Variants in MSRB3 observed in about 807,000 individuals in gnomAD.
The protein encoded by MSRB3 is methionine-R-sulfoxide reductase B3.
In MSRB3, 13 loss-of-function variants were observed where a neutral mutation model predicts 21.0. The observed-to-expected ratio is 0.62, with a 90% CI of 0.40 to 0.98. The LOEUF is 0.98. Among genes scored for constraint, MSRB3 ranks in the 50% least tolerant of loss-of-function variants. The pLI is 0.00. For synonymous variants in MSRB3, 87 were observed against 88.6 expected (o/e 0.98, Z 0.10); for missense variants, 199 against 230.3 (o/e 0.86, Z 0.88).
intron 1 of MSRB3, among the ~76,000 whole-genome samples, chr12:65,289,789 G>A (rs1872575487): frequency 6.6e-6 from 1 of 151,996 alleles, no homozygotes; most frequent in South Asian, 2.1e-4. Context: ...AGAACATGTG[G>A]CATCTGGTTT....
At chr12:65,279,181 G>A in intron 1 of MSRB3, 1 of 804,860 alleles carries the variant, frequency 1.2e-6, no homozygotes, top group Non-Finnish European at 1.7e-6. Flanking sequence ...CTCGCCCCGC[G>A]CGGGCCCAGG....
intron 4 of MSRB3, among the ~76,000 whole-genome samples, chr12:65,361,472 C>T (rs1194769641): frequency 2.2e-4 from 34 of 152,138 alleles, no homozygotes. Flanking sequence ...GATGCCTACA[C>T]AGAGCCTGCT....
chr12:65,441,290 G>T (rs1171420616), intron 5 of MSRB3, among the ~76,000 whole-genome samples: 1 of 151,950 alleles, frequency 6.6e-6, no homozygotes, highest in Non-Finnish European at 1.5e-5. Flanking sequence ...TCTCTGAGGT[G>T]CTCCTAGAGC....
At chr12:65,309,964 G>A (rs1236809461) in intron 2 of MSRB3, among the ~76,000 whole-genome samples, 1 of 152,034 alleles carries the variant, frequency 6.6e-6, no homozygotes, top group Non-Finnish European at 1.5e-5. Context: ...GAGATGAACA[G>A]GAATCACATG....
chr12:65,351,790 A>G (rs1409236886), intron 4 of MSRB3, among the ~76,000 whole-genome samples: 1 of 151,784 alleles, frequency 6.6e-6, no homozygotes, highest in African/African-American at 2.4e-5. Flanking sequence ...GAATAGACCA[A>G]TAATAGGAGC....
At chr12:65,442,344 A>C (rs1050102168) in intron 5 of MSRB3, among the ~76,000 whole-genome samples, 2 of 152,084 alleles carry the variant, frequency 1.3e-5, no homozygotes, top group Non-Finnish European at 2.9e-5. Context: ...ATAAGTACCC[A>C]ACCAAAAAAT....
intron 1 of MSRB3, among the ~76,000 whole-genome samples, chr12:65,287,985 G>A (rs1872471429): frequency 6.7e-6 from 1 of 149,442 alleles, no homozygotes; most frequent in South Asian, 2.3e-4. Flanking sequence ...TGAATGAATT[G>A]GACTGGGTAA....
At chr12:65,334,644 G>T (rs1875643979) in intron 4 of MSRB3, among the ~76,000 whole-genome samples, 1 of 152,118 alleles carries the variant, frequency 6.6e-6, no homozygotes, top group African/African-American at 2.4e-5. Context: ...TAGCCCAAAA[G>T]TAATGAGATC....
intron 4 of MSRB3, among the ~76,000 whole-genome samples, chr12:65,364,146 G>T (rs757092183): frequency 1.3e-5 from 2 of 152,110 alleles, no homozygotes; most frequent in Admixed American, 6.6e-5. Flanking sequence ...CCAGCCAGTG[G>T]CAAGAAACAG....
intron 2 of MSRB3, among the ~76,000 whole-genome samples, chr12:65,319,148 G>A (rs1236559651): frequency 6.6e-6 from 1 of 152,078 alleles, no homozygotes; most frequent in Non-Finnish European, 1.5e-5. Flanking sequence ...GTAAGAAAAT[G>A]TTTGCACATT....
At chr12:65,393,625 C>T (rs1419226714) in intron 5 of MSRB3, among the ~76,000 whole-genome samples, 7 of 92,096 alleles carry the variant, frequency 7.6e-5, no homozygotes, top group African/African-American at 2.9e-4. Flanking sequence ...AGCGAGACTC[C>T]GTCGCAAAAA....
intron 5 of MSRB3, among the ~76,000 whole-genome samples, chr12:65,373,724 C>T (rs1353433285): frequency 1.1e-4 from 16 of 152,074 alleles, no homozygotes; most frequent in Non-Finnish European, 4.4e-5. Context: ...GAGGAGGGAG[C>T]TCACTATTAA....
intron 5 of MSRB3, among the ~76,000 whole-genome samples, chr12:65,392,165 C>G (rs748057240): frequency 5.1e-4 from 77 of 152,186 alleles, no homozygotes; most frequent in Non-Finnish European, 9.3e-4. Flanking sequence ...CATCCTAGAT[C>G]AATTAACTCA....
chr12:65,340,129 A>G (rs773203617), intron 4 of MSRB3, among the ~76,000 whole-genome samples: 12 of 152,214 alleles, frequency 7.9e-5, no homozygotes, highest in Non-Finnish European at 5.9e-5. Flanking sequence ...AAAATAGATG[A>G]CAAGATGGAG....
intron 4 of MSRB3, among the ~76,000 whole-genome samples, chr12:65,352,080 A>T (rs949204288): frequency 5.3e-5 from 8 of 151,838 alleles, no homozygotes; most frequent in East Asian, 3.9e-4. Flanking sequence ...TACTGGCAAA[A>T]CGAATCCAGC....
intron 4 of MSRB3, among the ~76,000 whole-genome samples, chr12:65,352,008 C>A (rs1877037395): frequency 6.6e-6 from 1 of 151,602 alleles, no homozygotes; most frequent in East Asian, 1.9e-4. Flanking sequence ...GAGACACAAC[C>A]AAAAAAGAGA....
intron 4 of MSRB3, among the ~76,000 whole-genome samples, chr12:65,357,337 C>G (rs775107495): frequency 4.6e-5 from 7 of 151,870 alleles, no homozygotes; most frequent in African/African-American, 7.2e-5. Flanking sequence ...CCGCTTTGAC[C>G]TGAACTATTA....
intron 5 of MSRB3, among the ~76,000 whole-genome samples, chr12:65,416,702 G>C (rs1880996317): frequency 6.6e-6 from 1 of 152,194 alleles, no homozygotes; most frequent in Non-Finnish European, 1.5e-5. Flanking sequence ...ATGTCACTAG[G>C]TGTAGGACTT....
chr12:65,348,053 T>G (rs1272130890), intron 4 of MSRB3, among the ~76,000 whole-genome samples: 1 of 152,090 alleles, frequency 6.6e-6, no homozygotes, highest in Non-Finnish European at 1.5e-5. Flanking sequence ...TCTCTTTTTT[T>G]GTTGTGTCTC....
Sources: gnomAD v4.1 joint callset for allele counts (sites outside exome capture counted in the v4.1 genomes callset) on GRCh38, gnomAD v4.1.1 for gene constraint, MANE v1.5 for transcripts, NCBI Gene and HGNC (gene_info 2026-07-23, HGNC 2026-07-21) for gene names.